The following FBXW4 variants were observed in gnomAD, a reference collection of about 807,000 sequenced individuals.
FBXW4 encodes the protein F-box and WD repeat domain containing 4, also known as F-box/WD repeat-containing protein 4.
In FBXW4, 40 loss-of-function variants were observed where a neutral mutation model predicts 61.8. That is an observed-to-expected ratio of 0.65 (90% confidence interval 0.50 to 0.84). The LOEUF (loss-of-function observed/expected upper bound fraction) is 0.84, where lower values mean the gene tolerates loss of function less well. Ranked by LOEUF, FBXW4 falls within the 40% of genes least tolerant of loss-of-function variation. The pLI, the probability that FBXW4 is intolerant of heterozygous loss-of-function variation, is 0.00. For synonymous variants in FBXW4, 311 were observed against 313.8 expected (o/e 0.99, Z 0.10); for missense variants, 672 against 753.8 (o/e 0.89, Z 1.27).
At chr10:101,682,022 T>C (rs544999874) in intron 1 of FBXW4, among the ~76,000 whole-genome samples, 1 of 152,232 alleles carries the variant, frequency 6.6e-6, no homozygotes, top group South Asian at 2.1e-4. Flanking sequence ...TTTCACACAA[T>C]TGTTTTTTAA....
chr10:101,676,325 T>G lies in FBXW4; in HGVS notation c.821+16A>C. 6 of 1,610,422 alleles carry G rather than the reference T, an allele frequency of 3.7e-6. No homozygotes were observed. The highest frequency in any genetic ancestry group is 5.1e-6 in the Non-Finnish European group (6 of 1,177,600). ...TATGTCCCAAGTAGCTTTTAAAAAGTCAAGAGGCTACTTGCCTGCATCTCC... is the reference window on the plus strand; with the variant it reads ...TATGTCCCAAGTAGCTTTTAAAAAGGCAAGAGGCTACTTGCCTGCATCTCC... On this transcript the variant is annotated intron_variant, in intron 2 of 8. Coordinates refer to ENST00000331272, the MANE Select transcript of FBXW4 (RefSeq NM_022039.4).
At chr10:101,691,421 A>T (rs890270688) in intron 1 of FBXW4, among the ~76,000 whole-genome samples, 3 of 152,222 alleles carry the variant, frequency 2.0e-5, no homozygotes, top group African/African-American at 7.2e-5. Flanking sequence ...CTCTTTATCA[A>T]GTGCTATGGC....
chr10:101,644,616 G>A (rs2064080879), intron 5 of FBXW4, among the ~76,000 whole-genome samples: 1 of 152,102 alleles, frequency 6.6e-6, no homozygotes, highest in Non-Finnish European at 1.5e-5. Context: ...CATATTTTGG[G>A]CCTTCATGGG....
intron 1 of FBXW4, 45 bp from the exon 2 acceptor site, chr10:101,676,481 C>T: frequency 2.0e-6 from 3 of 1,514,618 alleles, no homozygotes; most frequent in Non-Finnish European, 1.8e-6. Context: ...CAACTTATTG[C>T]CAACCACAGA....
intron 6 of FBXW4, among the ~76,000 whole-genome samples, chr10:101,620,729 C>T (rs796893297): frequency 4.3e-4 from 66 of 152,320 alleles, no homozygotes; most frequent in African/African-American, 1.5e-3. Context: ...CCTACTGCCT[C>T]AGTCTCTCAA....
At chr10:101,689,309 A>G (rs1564928586) in intron 1 of FBXW4, among the ~76,000 whole-genome samples, 1 of 152,202 alleles carries the variant, frequency 6.6e-6, no homozygotes, top group Non-Finnish European at 1.5e-5. Flanking sequence ...ACAAGACTGG[A>G]AAGGATATAA....
At chr10:101,614,605 C>G (rs922191791) in intron 6 of FBXW4, among the ~76,000 whole-genome samples, 1 of 152,150 alleles carries the variant, frequency 6.6e-6, no homozygotes, top group Non-Finnish European at 1.5e-5. Flanking sequence ...TCTGCCCGCA[C>G]AGCCTGGCAG....
intron 6 of FBXW4, among the ~76,000 whole-genome samples, chr10:101,624,357 A>C (rs1028709091): frequency 6.6e-6 from 1 of 151,868 alleles, no homozygotes; most frequent in African/African-American, 2.4e-5. Flanking sequence ...TAAAACCTGC[A>C]TGTATTTTCA....
chr10:101,620,917 T>C (rs970444710), intron 6 of FBXW4, among the ~76,000 whole-genome samples: 4 of 152,126 alleles, frequency 2.6e-5, no homozygotes, highest in African/African-American at 9.7e-5. Flanking sequence ...ATCCTGACCA[T>C]AAATCTGTAC....
At chr10:101,640,858 T>C (rs1170989011) in intron 5 of FBXW4, among the ~76,000 whole-genome samples, 16 of 145,642 alleles carry the variant, frequency 1.1e-4, no homozygotes, top group African/African-American at 4.1e-4. Flanking sequence ...TGAGACCAAG[T>C]CTCACTCTGT....
At chr10:101,671,979 T>A (rs1564922093) in intron 4 of FBXW4, among the ~76,000 whole-genome samples, 1 of 152,224 alleles carries the variant, frequency 6.6e-6, no homozygotes, top group Non-Finnish European at 1.5e-5. Context: ...AATATTTCTA[T>A]ATGGAGGTGT....
chr10:101,676,919 T>C (rs756085311), intron 1 of FBXW4, among the ~76,000 whole-genome samples: 6 of 152,096 alleles, frequency 3.9e-5, no homozygotes, highest in Non-Finnish European at 8.8e-5. Context: ...AAAAATCCAG[T>C]AAATCAGACT....
chr10:101,627,586 G>C (rs2134822618), intron 5 of FBXW4, among the ~76,000 whole-genome samples: 1 of 152,212 alleles, frequency 6.6e-6, no homozygotes, highest in East Asian at 1.9e-4. Flanking sequence ...CTACAGACCA[G>C]CCACACTCAA....
chr10:101,649,089 C>T (rs528141948), intron 5 of FBXW4, among the ~76,000 whole-genome samples: 1 of 152,284 alleles, frequency 6.6e-6, no homozygotes, highest in South Asian at 2.1e-4. Context: ...CCAGGGAATC[C>T]CCAAAGAGGC....
At chr10:101,612,054 C>T (rs1266169381) in intron 7 of FBXW4, among the ~76,000 whole-genome samples, 1 of 152,260 alleles carries the variant, frequency 6.6e-6, no homozygotes, top group Non-Finnish European at 1.5e-5. Flanking sequence ...TGAAGTAACA[C>T]AGGCCTCAAG....
At chr10:101,668,630 T>C (rs2064329507) in intron 4 of FBXW4, among the ~76,000 whole-genome samples, 1 of 152,132 alleles carries the variant, frequency 6.6e-6, no homozygotes, top group Non-Finnish European at 1.5e-5. Context: ...CTTCCATATC[T>C]CCTACAGGTT....
chr10:101,673,007 T>C lies in FBXW4; in HGVS notation c.1048A>G (p.Thr350Ala). Reference protein sequence around the residue: ...IGIHKIHSTFTVKYSAHEQEV... With the variant: ...IGIHKIHSTFAVKYSAHEQEV... ...TGTTCATGAGCCGAGTACTTGACAG[T>C]GAAGGTGCTGTGAATCTTATGAATG... The change falls in exon 4 of 9, where the codon ACT becomes GCT. Residue 350 changes from threonine (T) to alanine (A), a missense_variant. This residue lies in a region of FBXW4 where 312 missense variants were observed against 370.1 expected (regional missense o/e 0.84). Transcript: ENST00000331272. The C allele has an allele frequency of 1.2e-6, 2 of 1,613,838 alleles. No homozygotes were observed. Among genetic ancestry groups the C allele is most frequent in the South Asian group, 1.1e-5 (1 of 91,052 alleles).
In FBXW4 at chr10:101,611,627, C is replaced by T. The variant is rs1265053584; in HGVS notation, c.1584+1G>A. 3.1e-6 allele frequency: 5 copies of T among 1,614,040 alleles called. No homozygotes were observed. The highest frequency in any genetic ancestry group is 2.2e-5 in the East Asian group (1 of 44,884). On this transcript the variant is annotated splice_donor_variant, in intron 8 of 8. Transcript: ENST00000331272. LOFTEE classifies it high-confidence loss of function. The surrounding 1 kb of genome is among the most constrained non-coding windows in gnomAD (Gnocchi z 4.9). ...GGAGAAGAGGTGGGCAGGACACTTA[C>T]GTGCAGGCAGGCCCTTTGACGCCGG...
chr10:101,645,434 T>C (rs2134851303), intron 5 of FBXW4, among the ~76,000 whole-genome samples: 1 of 152,352 alleles, frequency 6.6e-6, no homozygotes, highest in East Asian at 1.9e-4. Flanking sequence ...GTGTCAGTCC[T>C]GTGTCTCACT....
Sources: gnomAD v4.1 joint callset for allele counts (sites outside exome capture counted in the v4.1 genomes callset) on GRCh38, gnomAD v4.1.1 for gene constraint, gnomAD v4.1.1 regional missense constraint, Gnocchi (gnomAD v3.1) non-coding constraint, MANE v1.5 for transcripts, NCBI Gene and HGNC (gene_info 2026-07-23, HGNC 2026-07-21) for gene names.